PXDNL: variants seen among roughly 807,000 people sequenced by gnomAD.
PXDNL encodes the protein probable oxidoreductase PXDNL.
PXDNL carries 145 observed loss-of-function variants against 150.8 expected under a neutral mutation model. The ratio of observed to expected loss-of-function variants is 0.96; its 90% CI spans 0.84 to 1.10. The LOEUF (loss-of-function observed/expected upper bound fraction) is 1.10. PXDNL is among the 50% of genes least tolerant of loss of function. The pLI, the probability that PXDNL is intolerant of heterozygous loss-of-function variation, is 0.00. For missense variants in PXDNL, 2,087 were observed against 1,873.9 expected (o/e 1.11, Z -2.10); for synonymous variants, 757 against 725.7 (o/e 1.04, Z -0.69).
Position 51,647,003 on chromosome 8 carries a change from G to A in PXDNL, c.236+7686C>T, listed in dbSNP as rs1814934803. 1.3e-5 allele frequency among the ~76,000 whole-genome samples: 2 copies of A among 152,232 alleles called. 1 individual carries two copies. The highest frequency in any genetic ancestry group is 6.8e-3 in the Middle Eastern group (2 of 294). ...TGGTACTTCAGCACATAGATATACT[G>A]TAAAAAGGATACAACGTACTTTTAA... On this transcript the variant is annotated intron_variant, in intron 2 of 22. Coordinates refer to ENST00000356297, the MANE Select transcript of PXDNL (RefSeq NM_144651.5).
chr8:51,499,062 G>A (rs1811121027), intron 5 of PXDNL, among the ~76,000 whole-genome samples: 1 of 152,126 alleles, frequency 6.6e-6, no homozygotes, highest in Non-Finnish European at 1.5e-5. Flanking sequence ...GCATGTTCCT[G>A]AAAGTGAAAC....
At chr8:51,427,444 A>G (rs1171181509) in intron 12 of PXDNL, among the ~76,000 whole-genome samples, 1 of 151,990 alleles carries the variant, frequency 6.6e-6, no homozygotes, top group Non-Finnish European at 1.5e-5. Context: ...CAAACAAAGA[A>G]AAAAAAAGAC....
intron 4 of PXDNL, among the ~76,000 whole-genome samples, chr8:51,523,309 C>T (rs886895272): frequency 6.6e-6 from 1 of 152,138 alleles, no homozygotes; most frequent in South Asian, 2.1e-4. Flanking sequence ...TACTAATATG[C>T]TTTTGGTAAT....
intron 1 of PXDNL, among the ~76,000 whole-genome samples, chr8:51,800,680 A>C (rs1373905700): frequency 6.6e-6 from 1 of 152,192 alleles, no homozygotes; most frequent in Non-Finnish European, 1.5e-5. Context: ...ATACTTTCAT[A>C]ATTTCTTATG....
chr8:51,578,670 G>GA lies in PXDNL; in HGVS notation c.308+13956dup, dbSNP rs200549632. On this transcript the variant is annotated intron_variant, in intron 3 of 22. Transcript: ENST00000356297. ...AGAATCTAGACTAACTAAAAATTTT[G>GA]AAAAAAAATAAAATGGAAGGAAACT... Among the ~76,000 whole-genome samples the GA allele has an allele frequency of 2.3e-4, 35 of 151,190 alleles. No individual in the cohort carries two copies. In the East Asian group the frequency reaches 6.2e-3, roughly 27 times the overall value.
intron 22 of PXDNL, among the ~76,000 whole-genome samples, chr8:51,320,324 A>G (rs1563355790): frequency 6.6e-6 from 1 of 152,238 alleles, no homozygotes; most frequent in Non-Finnish European, 1.5e-5. Context: ...CTGTTCAAAA[A>G]GCAAACTAAA....
intron 17 of PXDNL, among the ~76,000 whole-genome samples, chr8:51,376,705 C>G (rs1033911155): frequency 6.7e-6 from 1 of 150,162 alleles, no homozygotes; most frequent in Non-Finnish European, 1.5e-5. Context: ...ACATGTTTTG[C>G]TTCTCTTCTC....
intron 2 of PXDNL, among the ~76,000 whole-genome samples, chr8:51,639,488 C>G (rs1397402146): frequency 6.6e-6 from 1 of 152,052 alleles, no homozygotes; most frequent in Non-Finnish European, 1.5e-5. Context: ...AGAGAAGAAT[C>G]AAATAGACGC....
chr8:51,765,798 C>A (rs543329312), intron 1 of PXDNL, among the ~76,000 whole-genome samples: 4 of 151,032 alleles, frequency 2.6e-5, no homozygotes, highest in Admixed American at 1.3e-4. Context: ...CTGCCTACTT[C>A]TTTGTTAAAT....
intron 1 of PXDNL, among the ~76,000 whole-genome samples, chr8:51,741,580 T>C (rs1362069951): frequency 6.6e-6 from 1 of 152,138 alleles, no homozygotes; most frequent in Non-Finnish European, 1.5e-5. Context: ...ATCTAAGAAA[T>C]GTTAAGGATT....
At chr8:51,640,890 T>C (rs1055922923) in intron 2 of PXDNL, among the ~76,000 whole-genome samples, 23 of 151,984 alleles carry the variant, frequency 1.5e-4, no homozygotes, top group African/African-American at 5.6e-4. Flanking sequence ...AGAGCCCGCA[T>C]CGCCAAGTCA....
chr8:51,675,208 T>C (rs1815587498), intron 1 of PXDNL, among the ~76,000 whole-genome samples: 1 of 152,176 alleles, frequency 6.6e-6, no homozygotes, highest in South Asian at 2.1e-4. Flanking sequence ...AATTCAGATG[T>C]TGCCAATGCG....
rs141943373 is a variant in PXDNL at position 51,368,389 on chromosome 8, A to G, written c.3901+3484T>C. ...GCATTTATATTATCACTGTTTAAAC[A>G]GACTCAGAGTCCATTTCAATGTGTT... is the stretch of plus-strand genomic sequence containing the variant. On this transcript the variant is annotated intron_variant, in intron 19 of 22. Coordinates refer to ENST00000356297, the MANE Select transcript of PXDNL (RefSeq NM_144651.5). Among the ~76,000 whole-genome samples the G allele has an allele frequency of 5.0e-3, 764 of 152,312 alleles. 5 individuals are homozygous for G. Among genetic ancestry groups the G allele is most frequent in the African/African-American group, 0.018 (739 of 41,562 alleles).
At chr8:51,458,448 A>G (rs1809987502) in intron 8 of PXDNL, among the ~76,000 whole-genome samples, 1 of 152,084 alleles carries the variant, frequency 6.6e-6, no homozygotes, top group Non-Finnish European at 1.5e-5. Context: ...AAAATATTTA[A>G]TGATTATGTA....
intron 9 of PXDNL, among the ~76,000 whole-genome samples, chr8:51,454,651 G>A (rs1212963901): frequency 6.6e-6 from 1 of 152,064 alleles, no homozygotes; most frequent in Non-Finnish European, 1.5e-5. Flanking sequence ...TTGGGGAAGG[G>A]GGATCAACCA....
intron 17 of PXDNL, among the ~76,000 whole-genome samples, chr8:51,378,538 C>T (rs542849174): frequency 6.6e-6 from 1 of 152,214 alleles, no homozygotes; most frequent in Non-Finnish European, 1.5e-5. Flanking sequence ...CAGGCTGCCC[C>T]AGCCAGCAGT....
intron 3 of PXDNL, among the ~76,000 whole-genome samples, chr8:51,563,910 T>C (rs1812763254): frequency 2.6e-5 from 4 of 151,980 alleles, no homozygotes. Context: ...CAAGTAATAA[T>C]ATATGTGAAA....
At chr8:51,461,296 T>C (rs7815672) in intron 8 of PXDNL, among the ~76,000 whole-genome samples, 36,500 of 152,142 alleles carry the variant, frequency 0.24, 6,636 homozygotes, top group African/African-American at 0.51. Flanking sequence ...CTGGGTGTGC[T>C]TCCCCGCCAC....
intron 1 of PXDNL, among the ~76,000 whole-genome samples, chr8:51,695,946 C>T (rs1816113537): frequency 1.3e-5 from 2 of 152,140 alleles, no homozygotes; most frequent in South Asian, 4.1e-4. Flanking sequence ...CAGAACAGGG[C>T]TGACACAAAG....
Sources: allele counts gnomAD v4.1 joint callset (sites outside exome capture counted in the v4.1 genomes callset), GRCh38; gene constraint gnomAD v4.1.1; transcripts MANE v1.5; gene names NCBI Gene and HGNC (gene_info 2026-07-23, HGNC 2026-07-21).